The following LINGO2 variants were observed in gnomAD, a reference collection of about 807,000 sequenced individuals.
LINGO2 encodes leucine-rich repeat and immunoglobulin-like domain-containing nogo receptor-interacting protein 2.
In LINGO2, 14 loss-of-function variants were observed where a neutral mutation model predicts 30.6. That is an observed-to-expected ratio of 0.46 (90% CI 0.30 to 0.72). The LOEUF (loss-of-function observed/expected upper bound fraction) is 0.72, where lower values mean the gene tolerates loss of function less well. Among genes scored for constraint, LINGO2 ranks in the 30% least tolerant of loss-of-function variants. The pLI, the probability that LINGO2 is intolerant of heterozygous loss-of-function variation, is 0.07. For missense variants in LINGO2, 729 were observed against 751.7 expected (o/e 0.97, Z 0.35); for synonymous variants, 317 against 288.5 (o/e 1.10, Z -1.00).
At chr9:28,366,441 C>G (rs1470676076) in intron 3 of LINGO2, among the ~76,000 whole-genome samples, 1 of 152,130 alleles carries the variant, frequency 6.6e-6, no homozygotes, top group Non-Finnish European at 1.5e-5. Context: ...AACCTTTCAG[C>G]TCATGTTTTT....
chr9:28,602,532 A>G (rs1259244168), intron 1 of LINGO2, among the ~76,000 whole-genome samples: 1 of 152,086 alleles, frequency 6.6e-6, no homozygotes, highest in Non-Finnish European at 1.5e-5. Context: ...TGCATACATC[A>G]AAGTGAGTGA....
chr9:28,144,973 C>T (rs1299577280), intron 4 of LINGO2, among the ~76,000 whole-genome samples: 2 of 152,098 alleles, frequency 1.3e-5, no homozygotes, highest in African/African-American at 2.4e-5. Flanking sequence ...GATTTTAATA[C>T]CCAGTATTAA....
intron 4 of LINGO2, among the ~76,000 whole-genome samples, chr9:28,227,956 T>C (rs1053171617): frequency 6.6e-6 from 1 of 151,986 alleles, no homozygotes; most frequent in Non-Finnish European, 1.5e-5. Context: ...TTATCCAGAG[T>C]AATTAGGGCT....
At chr9:28,467,289 A>C (rs1825353929) in intron 2 of LINGO2, among the ~76,000 whole-genome samples, 1 of 152,088 alleles carries the variant, frequency 6.6e-6, no homozygotes, top group Non-Finnish European at 1.5e-5. Flanking sequence ...GGCCTCCCAA[A>C]GTGCTGGGAT....
the LINGO2 span, among the ~76,000 whole-genome samples, chr9:28,972,233 C>T: frequency 6.6e-6 from 1 of 152,204 alleles, no homozygotes; most frequent in Non-Finnish European, 1.5e-5. Flanking sequence ...CTTCAATGTG[C>T]AGACACAGAT....
the LINGO2 span, among the ~76,000 whole-genome samples, chr9:28,957,257 A>G: frequency 1.3e-5 from 2 of 152,198 alleles, no homozygotes; most frequent in Admixed American, 1.3e-4. Flanking sequence ...TGAGCACAAG[A>G]GGAAATTTCC....
chr9:29,146,181 C>T, the LINGO2 span, among the ~76,000 whole-genome samples: 1 of 152,056 alleles, frequency 6.6e-6, no homozygotes, highest in South Asian at 2.1e-4. Flanking sequence ...CATGGTGAAA[C>T]CCCGTCTCTA....
At chr9:29,211,587 C>CT in the LINGO2 span, among the ~76,000 whole-genome samples, 1 of 139,416 alleles carries the variant, frequency 7.2e-6, no homozygotes. Flanking sequence ...TCTTCTCTCT[C>CT]TCTCTCTCCC....
At chr9:28,826,546 C>CAA in the LINGO2 span, among the ~76,000 whole-genome samples, 3 of 152,056 alleles carry the variant, frequency 2.0e-5, no homozygotes, top group South Asian at 6.3e-4. Flanking sequence ...TATGCTCCAG[C>CAA]ACACACACAC....
the LINGO2 span, among the ~76,000 whole-genome samples, chr9:28,824,619 C>A: frequency 6.6e-6 from 1 of 152,150 alleles, no homozygotes; most frequent in African/African-American, 2.4e-5. Context: ...AGCATCCAGA[C>A]TCAGCAGGAA....
chr9:28,038,692 CAAAAAAAAA>C (rs35216202), intron 4 of LINGO2, among the ~76,000 whole-genome samples: 1 of 118,866 alleles, frequency 8.4e-6, no homozygotes, highest in East Asian at 2.3e-4. Context: ...GACTCCGTCT[CAAAAAAAAA>C]AAAAAAAGCC....
intron 3 of LINGO2, among the ~76,000 whole-genome samples, chr9:28,315,153 C>T (rs1218658453): frequency 1.3e-5 from 2 of 151,954 alleles, no homozygotes; most frequent in African/African-American, 2.4e-5. Context: ...GCCTGTAATC[C>T]CAGCACTCTG....
the LINGO2 span, among the ~76,000 whole-genome samples, chr9:28,934,062 C>T: frequency 6.6e-6 from 1 of 152,268 alleles, no homozygotes; most frequent in South Asian, 2.1e-4. Context: ...AGGAGTGTAG[C>T]ACTTCTTCCT....
the LINGO2 span, among the ~76,000 whole-genome samples, chr9:28,910,375 G>A: frequency 6.6e-6 from 1 of 151,942 alleles, no homozygotes; most frequent in African/African-American, 2.4e-5. Context: ...CATGCTAAAT[G>A]TGAATGCATC....
At chr9:28,729,285 C>G in the LINGO2 span, among the ~76,000 whole-genome samples, 1 of 152,116 alleles carries the variant, frequency 6.6e-6, no homozygotes, top group Non-Finnish European at 1.5e-5. Flanking sequence ...AACAGTGCAG[C>G]TCAAAGTTAA....
the LINGO2 span, among the ~76,000 whole-genome samples, chr9:29,018,817 C>A: frequency 6.6e-6 from 1 of 152,156 alleles, no homozygotes; most frequent in Non-Finnish European, 1.5e-5. Flanking sequence ...GCAAAAATTG[C>A]ATAAGACAAA....
At chr9:28,790,075 T>C in the LINGO2 span, among the ~76,000 whole-genome samples, 1,101 of 152,206 alleles carry the variant, frequency 7.2e-3, 15 homozygotes, top group African/African-American at 0.025. Context: ...GAAATAAATA[T>C]CTCATAAGTT....
At chr9:28,793,451 T>C in the LINGO2 span, among the ~76,000 whole-genome samples, 2 of 152,196 alleles carry the variant, frequency 1.3e-5, no homozygotes, top group Non-Finnish European at 2.9e-5. Flanking sequence ...GGAGAGTTGT[T>C]ATTTTATTCC....
the LINGO2 span, among the ~76,000 whole-genome samples, chr9:29,020,320 A>C: frequency 2.0e-5 from 3 of 152,222 alleles, no homozygotes; most frequent in Non-Finnish European, 4.4e-5. Context: ...GTTATACATA[A>C]GTATGAAAAG....
Sources: gnomAD v4.1 joint callset for allele counts (sites outside exome capture counted in the v4.1 genomes callset) on GRCh38, gnomAD v4.1.1 for gene constraint, MANE v1.5 for transcripts, NCBI Gene and HGNC (gene_info 2026-07-23, HGNC 2026-07-21) for gene names.